ANKH: variants seen among roughly 807,000 people sequenced by gnomAD.
ANKH encodes the protein ANKH inorganic pyrophosphate transport regulator.
In ANKH, 15 loss-of-function variants were observed where a neutral mutation model predicts 49.0. The ratio of observed to expected loss-of-function variants is 0.31; its 90% CI spans 0.20 to 0.47. ANKH has a LOEUF of 0.47. Ranked by LOEUF, ANKH falls within the 20% of genes least tolerant of loss-of-function variation. The pLI, the probability that ANKH is intolerant of heterozygous loss-of-function variation, is 1.00. For missense variants in ANKH, 429 were observed against 652.0 expected, an observed-to-expected ratio of 0.66 and a Z score of 3.72; for synonymous variants, 273 against 260.0, an observed-to-expected ratio of 1.05 and a Z score of -0.48.
chr5:14,737,538 A>G lies in ANKH; in HGVS notation c.1011+4289T>C, dbSNP rs181511805. On this transcript the variant is annotated intron_variant, in intron 8 of 11. Transcript: ENST00000284268. This position sits in a 1 kb window ranked among gnomAD's most constrained non-coding sequence, Gnocchi z 5.0. ...ACAGCCAGTCACATGAGCGACAGAG[A>G]CCGCAGCTGTCCAGGAAGGCTCAGG... Among the ~76,000 whole-genome samples the G allele has an allele frequency of 4.3e-4, 65 of 152,236 alleles. No homozygotes were observed. The Middle Eastern group carries it at 0.01, about 24-fold the overall frequency.
In ANKH at chr5:14,745,179, T is replaced by C. The variant is rs1343416265; in HGVS notation, c.915+691A>G. On this transcript the variant is annotated intron_variant, in intron 7 of 11. Transcript: ENST00000284268. The surrounding 1 kb of genome is among the most constrained non-coding windows in gnomAD (Gnocchi z 4.7). ...TCCTGTGTATCATTTTAAAACACTG[T>C]AGACTATTTTTGGAGTATGTTTCAC... Among the ~76,000 whole-genome samples, 2 of 152,144 alleles carry C rather than the reference T, an allele frequency of 1.3e-5. No individual in the cohort carries two copies. Among genetic ancestry groups the C allele is most frequent in the African/African-American group, 4.8e-5 (2 of 41,416 alleles).
In ANKH at chr5:14,723,849, T is replaced by C. The variant is rs183137495; in HGVS notation, c.1012-7014A>G. On this transcript the variant is annotated intron_variant, in intron 8 of 11. Coordinates refer to ENST00000284268, the MANE Select transcript of ANKH (RefSeq NM_054027.6). ...TCTCTTATTCTGCATGATCAAGGGGTAGACTTCCTCATTTCTTGAATCATA... is the reference window on the plus strand; with the variant it reads ...TCTCTTATTCTGCATGATCAAGGGGCAGACTTCCTCATTTCTTGAATCATA... Among the ~76,000 whole-genome samples the C allele has an allele frequency of 2.0e-5, 3 of 152,248 alleles. No homozygotes were observed. The East Asian group carries it at 5.8e-4, about 29-fold the overall frequency.
rs369407484 is a variant in ANKH at position 14,715,727 on chromosome 5, CATATTTGCTATGGAA to C, written c.1141+964_1141+978del. Among the ~76,000 whole-genome samples the C allele has an allele frequency of 9.8e-3, 1,493 of 152,330 alleles. 27 individuals carry two copies. The highest frequency in any genetic ancestry group is 0.034 in the African/African-American group (1,406 of 41,572). On this transcript the variant is annotated intron_variant, in intron 9 of 11. Coordinates refer to ENST00000284268, the MANE Select transcript of ANKH (RefSeq NM_054027.6). Reference sequence around the variant, plus strand: ...TGACGATACAGACATACACGTGCTACATATTTGCTATGGAAATGGTTGTATACTAATCAACCATTC... The same window carrying C: ...TGACGATACAGACATACACGTGCTACATGGTTGTATACTAATCAACCATTC...
rs1737101141 is a variant in ANKH at position 14,709,964 on chromosome 5, A to G, written c.*1233T>C. On this transcript the variant is annotated 3_prime_UTR_variant, in exon 12 of 12. Transcript: ENST00000284268. ...CAGTCTAGGAATTCTGACTAAATCA[A>G]TTTAGTGAACCGTGTCTATAATTTT... The G allele has an allele frequency of 6.6e-6, 1 of 152,256 alleles. No homozygotes were observed. The highest frequency in any genetic ancestry group is 2.4e-5 in the African/African-American group (1 of 41,476). The allele number at this position is 152,256 out of a possible 1,614,324, so 9.4% of individuals were successfully genotyped here. A position where few individuals can be genotyped will look rare whatever the true frequency, so the allele number is the denominator to read the frequency against.
chr5:14,833,251 G>C (rs1251281345), intron 1 of ANKH, among the ~76,000 whole-genome samples: 1 of 152,152 alleles, frequency 6.6e-6, no homozygotes, highest in East Asian at 1.9e-4. Flanking sequence ...TCTATCAGAG[G>C]AATTAAGACT....
chr5:14,755,121 T>C (rs1738845300), intron 4 of ANKH, among the ~76,000 whole-genome samples: 1 of 151,004 alleles, frequency 6.6e-6, no homozygotes, highest in African/African-American at 2.4e-5. Flanking sequence ...TAGTCTAACC[T>C]CTTCCTCTAT....
At chr5:14,788,202 G>A (rs1055857678) in intron 1 of ANKH, 59 of 152,302 alleles carry the variant, frequency 3.9e-4, no homozygotes, top group African/African-American at 1.3e-3. Context: ...TCATCCCGAC[G>A]AAATGCCAGC....
intron 1 of ANKH, chr5:14,869,413 G>A (rs755273198): frequency 9.2e-5 from 14 of 152,138 alleles, no homozygotes; most frequent in Non-Finnish European, 2.1e-4. Flanking sequence ...AAATATCTCC[G>A]CCCTCCAGGC....
chr5:14,832,102 A>C (rs1741523021), intron 1 of ANKH, among the ~76,000 whole-genome samples: 1 of 152,182 alleles, frequency 6.6e-6, no homozygotes, highest in Non-Finnish European at 1.5e-5. Context: ...CCTTCTAAGA[A>C]AAGCAATTTT....
At chr5:14,807,978 G>A (rs1477637670) in intron 1 of ANKH, among the ~76,000 whole-genome samples, 2 of 152,048 alleles carry the variant, frequency 1.3e-5, no homozygotes, top group East Asian at 3.8e-4. Flanking sequence ...ATAATTTTAG[G>A]CACCAAAATG....
chr5:14,717,408 G>T (rs1737510912), intron 8 of ANKH, among the ~76,000 whole-genome samples: 1 of 152,242 alleles, frequency 6.6e-6, no homozygotes, highest in South Asian at 2.1e-4. Context: ...CAGATGGGCA[G>T]ATGGTAAACT....
chr5:14,812,117 T>TAAAAAAAAA (rs55728743), intron 1 of ANKH, among the ~76,000 whole-genome samples: 5 of 126,528 alleles, frequency 4.0e-5, no homozygotes, highest in Non-Finnish European at 6.6e-5. Context: ...GTATTTATCT[T>TAAAAAAAAA]AAAAAAAAAA....
chr5:14,753,390 A>C (rs1439854135), intron 4 of ANKH, among the ~76,000 whole-genome samples: 1 of 152,218 alleles, frequency 6.6e-6, no homozygotes, highest in African/African-American at 2.4e-5. Flanking sequence ...TGTGTAACAT[A>C]AGGTTGGTTC....
At chr5:14,836,836 G>A (rs1191514235) in intron 1 of ANKH, among the ~76,000 whole-genome samples, 1 of 152,158 alleles carries the variant, frequency 6.6e-6, no homozygotes, top group Non-Finnish European at 1.5e-5. Context: ...AAAGAACAAA[G>A]CTGGAGGCAT....
intron 8 of ANKH, among the ~76,000 whole-genome samples, chr5:14,717,755 T>C (rs909204957): frequency 5.3e-5 from 8 of 152,268 alleles, no homozygotes; most frequent in African/African-American, 1.2e-4. Flanking sequence ...CAAAAGTGTT[T>C]TAGATTCTGA....
chr5:14,840,158 G>A (rs1290064080), intron 1 of ANKH, among the ~76,000 whole-genome samples: 1 of 152,186 alleles, frequency 6.6e-6, no homozygotes, highest in African/African-American at 2.4e-5. Context: ...ACGCCTCTCT[G>A]AACATGCTGG....
intron 1 of ANKH, among the ~76,000 whole-genome samples, chr5:14,816,398 T>A (rs886573247): frequency 2.6e-5 from 4 of 152,200 alleles, no homozygotes; most frequent in Non-Finnish European, 4.4e-5. Context: ...GTGGATGATT[T>A]TTTTTTCCTC....
At chr5:14,834,282 G>A (rs1248343953) in intron 1 of ANKH, among the ~76,000 whole-genome samples, 1 of 152,116 alleles carries the variant, frequency 6.6e-6, no homozygotes, top group Admixed American at 6.6e-5. Flanking sequence ...CGTCACAGGG[G>A]AAAGCATTGG....
In ANKH at chr5:14,743,400, C is replaced by A. The variant is rs578061806; in HGVS notation, c.916-1478G>T. ...GGGCACTGTGATTTGCAAAATGGCA[C>A]ATATTCACATGAAGATCGTGAAAAT... On this transcript the variant is annotated intron_variant, in intron 7 of 11. Coordinates refer to ENST00000284268, the MANE Select transcript of ANKH (RefSeq NM_054027.6). Among the ~76,000 whole-genome samples the A allele has an allele frequency of 2.0e-5, 3 of 152,338 alleles. No homozygotes were observed. The South Asian group carries it at 6.2e-4, about 32-fold the overall frequency.
Sources: gnomAD v4.1 joint callset for allele counts (sites outside exome capture counted in the v4.1 genomes callset) on GRCh38, gnomAD v4.1.1 for gene constraint, Gnocchi (gnomAD v3.1) non-coding constraint, MANE v1.5 for transcripts, NCBI Gene and HGNC (gene_info 2026-07-23, HGNC 2026-07-21) for gene names.